Variants in GJA9 observed in about 807,000 individuals in gnomAD.
GJA9 encodes gap junction protein alpha 9, also known as gap junction alpha-9 protein.
Under a neutral mutation model 0.4 loss-of-function variants are expected in GJA9, and 1 was observed. The ratio of observed to expected loss-of-function variants is 2.50; its 90% CI spans 0.89 to 11.88. GJA9 has a LOEUF of 11.88. Among genes scored for constraint, GJA9 ranks in the 30% most tolerant of loss-of-function variants. GJA9 has a pLI of 0.12. For synonymous variants in GJA9, 190 were observed against 219.1 expected (o/e 0.87, Z 1.17); for missense variants, 550 against 602.8 (o/e 0.91, Z 0.92).
In GJA9 at chr1:38,874,588, A is replaced by G. The variant is rs1557598871; in HGVS notation, c.1511T>C (p.Leu504Pro). Residue 504 changes from leucine to proline, a missense_variant, in exon 2 of 2, where the codon CTC (leucine) becomes CCC (proline). Leu to Pro is a moderately conservative substitution (Grantham distance 98). Coordinates refer to ENST00000357771, the MANE Select transcript of GJA9 (RefSeq NM_030772.5). ...PNHVVSLTNN[L>P]IGRRVPTDLQ... ...ATCTGTGGGAACCCGCCTACCAATG[A>G]GATTGTTCGTTAGGGACACTACGTG... The G allele has an allele frequency of 6.2e-7, 1 of 1,614,114 alleles. No homozygotes were observed. The highest frequency in any genetic ancestry group is 1.1e-5 in the South Asian group (1 of 91,082).
chr1:38,879,841 C>T (rs1642659181), intron 1 of GJA9, among the ~76,000 whole-genome samples: 1 of 152,090 alleles, frequency 6.6e-6, no homozygotes, highest in Non-Finnish European at 1.5e-5. Context: ...ATTCTCCTGC[C>T]TCAGCCTCTC....
Position 38,875,557 on chromosome 1 carries a change from A to G in GJA9, c.542T>C (p.Phe181Ser), listed in dbSNP as rs186626186. The change falls in exon 2 of 2, where the codon TTT becomes TCT. Residue 181 changes from phenylalanine to serine, a missense_variant. Transcript: ENST00000357771. Reference sequence around the variant, plus strand: ...GCACTTAAATAGCGGCTCTAAGTGAAATCCATATAAAAGGTACTGTCCAAT... The same window carrying G: ...GCACTTAAATAGCGGCTCTAAGTGAGATCCATATAAAAGGTACTGTCCAAT... Reference protein sequence around the residue: ...FMIGQYLLYGFHLEPLFKCHG... With the variant: ...FMIGQYLLYGSHLEPLFKCHG... The G allele has an allele frequency of 2.0e-5, 32 of 1,614,240 alleles. No homozygotes were observed. The Admixed American group carries it at 4.3e-4, about 22-fold the overall frequency.
Position 38,875,000 on chromosome 1 carries a change from A to C in GJA9, c.1099T>G (p.Leu367Val), listed in dbSNP as rs775416916. 32 of 1,614,098 alleles carry C rather than the reference A, an allele frequency of 2.0e-5. No individual in the cohort carries two copies. The highest frequency in any genetic ancestry group is 2.5e-5 in the Non-Finnish European group (30 of 1,180,012). The change falls in exon 2 of 2, where the codon TTA (leucine) becomes GTA (valine). Residue 367 changes from leucine to valine, a missense_variant. Physicochemically the swap from Leu to Val is conservative, Grantham distance 32. Transcript: ENST00000357771. The part of the protein sequence containing the change: ...IFGKELNGNQ[L>V]MEKRETEGKD... ...CCTTCAGTTTCTCTTTTTTCCATTAACTGGTTACCATTAAGTTCTTTTCCA... is the reference window on the plus strand; with the variant it reads ...CCTTCAGTTTCTCTTTTTTCCATTACCTGGTTACCATTAAGTTCTTTTCCA...
rs756463977 is a variant in GJA9 at position 38,875,119 on chromosome 1, G to A, written c.980C>T (p.Thr327Ile). The part of the protein sequence containing the change: ...DEKCILDEQE[T>I]VLSNEISTLS... ...TGTGGAAATCTCATTAGAAAGTACA[G>A]TTTCCTGTTCATCCAAAATGCATTT... Residue 327 changes from threonine (T) to isoleucine (I), a missense_variant, in exon 2 of 2, where the codon ACT becomes ATT. Physicochemically the swap from Thr to Ile is moderately conservative, Grantham distance 89. Coordinates refer to ENST00000357771, the MANE Select transcript of GJA9 (RefSeq NM_030772.5). 3.7e-6 allele frequency: 6 copies of A among 1,614,140 alleles called. No individual in the cohort carries two copies. Among genetic ancestry groups the A allele is most frequent in the Non-Finnish European group, 1.7e-6 (2 of 1,180,018 alleles).
chr1:38,878,515 A>G (rs1213003924), intron 1 of GJA9, among the ~76,000 whole-genome samples: 1 of 150,824 alleles, frequency 6.6e-6, no homozygotes, highest in Non-Finnish European at 1.5e-5. Context: ...TGTCTCTACA[A>G]AAATACAAAA....
At chr1:38,880,356 T>A (rs1404813068) in intron 1 of GJA9, among the ~76,000 whole-genome samples, 2 of 139,304 alleles carry the variant, frequency 1.4e-5, no homozygotes, top group Non-Finnish European at 3.1e-5. Context: ...TGAGCCGAGA[T>A]CACACCATTG....
chr1:38,875,608 C>T lies in GJA9; in HGVS notation c.491G>A (p.Arg164His), dbSNP rs747249630. The change falls in exon 2 of 2, where the codon CGC (arginine) becomes CAC (histidine). Residue 164 changes from arginine to histidine, a missense_variant. Transcript: ENST00000357771. ...LCTYVIHIFT[R>H]SVVEVGFMIG... ...CATGAATCCAACTTCAACCACAGAG[C>T]GAGTGAAAATGTGTATCACATAAGT... 1.9e-6 allele frequency: 3 copies of T among 1,614,030 alleles called. No homozygotes were observed. Among genetic ancestry groups the T allele is most frequent in the Non-Finnish European group, 1.7e-6 (2 of 1,180,032 alleles).
At position 38,876,018 on chromosome 1, in the gene GJA9, G is replaced by A; in HGVS notation, c.81C>T (p.Thr27=). Residue 27 remains threonine, a synonymous_variant, in exon 2 of 2, where the codon ACC becomes ACT. Coordinates refer to ENST00000357771, the MANE Select transcript of GJA9 (RefSeq NM_030772.5). Reference sequence around the variant, plus strand: ...CAAGCATTCGAAATATGAACAGGATGGTGAGCCAGATCTTTCCAATCATGG... The same window carrying A: ...CAAGCATTCGAAATATGAACAGGATAGTGAGCCAGATCTTTCCAATCATGG... ...HSTMIGKIWL[T]ILFIFRMLVL... 6.2e-7 allele frequency: 1 copy of A among 1,614,194 alleles called. No individual in the cohort carries two copies. The highest frequency in any genetic ancestry group is 8.5e-7 in the Non-Finnish European group (1 of 1,180,042).
In GJA9 at chr1:38,874,488, TGCCCCA is replaced by T; in HGVS notation, c.*57_*62del. 1 of 1,294,288 alleles carries T rather than the reference TGCCCCA, an allele frequency of 7.7e-7. No individual in the cohort carries two copies. Among genetic ancestry groups the T allele is most frequent in the Admixed American group, 2.0e-5 (1 of 49,104 alleles). The allele number at this position is 1,294,288 out of a possible 1,614,324, so 80.2% of individuals were successfully genotyped here. A position where few individuals can be genotyped will look rare whatever the true frequency, so the allele number is the denominator to read the frequency against. ...GAGCTGCCCCTATCTATTTTTTCTG[TGCCCCA>T]CGACCACTAGGCTACTTCTCTGATA... On this transcript the variant is annotated 3_prime_UTR_variant, in exon 2 of 2. Coordinates refer to ENST00000357771, the MANE Select transcript of GJA9 (RefSeq NM_030772.5).
rs752926408 is a variant in GJA9, at chr1:38,875,722, G to C, written c.377C>G (p.Pro126Arg). ...VELEEVEFEM[P>R]RDRRRLEQEL... ...TTGCTCCAATCTCCTCCGATCCCTA[G>C]GCATTTCAAACTCTACCTCCTCCAG... The change falls in exon 2 of 2, where the codon CCT (proline) becomes CGT (arginine). Residue 126 changes from proline (P) to arginine (R), a missense_variant. Physicochemically the swap from Pro to Arg is moderately radical, Grantham distance 103 (BLOSUM62 -2). Coordinates refer to ENST00000357771, the MANE Select transcript of GJA9 (RefSeq NM_030772.5). 6.8e-6 allele frequency: 11 copies of C among 1,614,146 alleles called. 1 individual carries two copies. In the South Asian group the frequency reaches 1.2e-4, roughly 18 times the overall value.
chr1:38,878,929 C>T (rs940205321), intron 1 of GJA9, among the ~76,000 whole-genome samples: 1 of 151,892 alleles, frequency 6.6e-6, no homozygotes, highest in African/African-American at 2.4e-5. Context: ...GATGGGGTTC[C>T]TCCATATTGG....
rs771339619 is a variant in GJA9 at position 38,875,647 on chromosome 1, C to T, written c.452G>A (p.Gly151Glu). Residue 151 changes from glycine (G) to glutamate (E), a missense_variant, in exon 2 of 2, where the codon GGA becomes GAA. Coordinates refer to ENST00000357771, the MANE Select transcript of GJA9 (RefSeq NM_030772.5). Reference protein sequence around the residue: ...KRKLNKAPLRGTLLCTYVIHI... With the variant: ...KRKLNKAPLRETLLCTYVIHI... ...TATCACATAAGTGCAAAGCAAGGTTCCTCTGAGTGGAGCTTTATTTAGTTT... is the reference window on the plus strand; with the variant it reads ...TATCACATAAGTGCAAAGCAAGGTTTCTCTGAGTGGAGCTTTATTTAGTTT... The T allele has an allele frequency of 6.2e-7, 1 of 1,614,182 alleles. No homozygotes were observed. The highest frequency in any genetic ancestry group is 1.3e-5 in the African/African-American group (1 of 75,050).
At chr1:38,877,040 C>CTTT (rs774625707) in intron 1 of GJA9, among the ~76,000 whole-genome samples, 3 of 124,510 alleles carry the variant, frequency 2.4e-5, no homozygotes, top group Non-Finnish European at 3.4e-5. Context: ...AAATTATATT[C>CTTT]TTTTTTTTTT....
Position 38,875,325 on chromosome 1 carries a change from G to A in GJA9, c.774C>T (p.Asn258=). ...LKKEHNEFHA[N]KAKQNVAKYQ... ...ATTTGGCTACATTTTGTTTTGCCTTGTTTGCATGGAATTCATTATGTTCCT... is the reference window on the plus strand; with the variant it reads ...ATTTGGCTACATTTTGTTTTGCCTTATTTGCATGGAATTCATTATGTTCCT... The change falls in exon 2 of 2, where the codon AAC becomes AAT. Residue 258 remains asparagine (N), a synonymous_variant. Coordinates refer to ENST00000357771, the MANE Select transcript of GJA9 (RefSeq NM_030772.5). 1 of 1,614,096 alleles carries A rather than the reference G, an allele frequency of 6.2e-7. No individual in the cohort carries two copies. The highest frequency in any genetic ancestry group is 8.5e-7 in the Non-Finnish European group (1 of 1,180,012).
chr1:38,874,172 A>G lies in GJA9; in HGVS notation c.*379T>C. 2.8e-6 allele frequency: 1 copy of G among 353,288 alleles called. No homozygotes were observed. Among genetic ancestry groups the G allele is most frequent in the Admixed American group, 4.1e-5 (1 of 24,308 alleles). 21.9% of individuals were successfully genotyped at this position (353,288 alleles called of 1,614,324 possible). ...CTTACGTGATTGTGTTCCAGGGGCAAACAGAATTAACCCAGTGTCCAAGGT... is the reference window on the plus strand; with the variant it reads ...CTTACGTGATTGTGTTCCAGGGGCAGACAGAATTAACCCAGTGTCCAAGGT... On this transcript the variant is annotated 3_prime_UTR_variant, in exon 2 of 2. Coordinates refer to ENST00000357771, the MANE Select transcript of GJA9 (RefSeq NM_030772.5).
In GJA9 at chr1:38,874,687, G is replaced by T; in HGVS notation, c.1412C>A (p.Ala471Asp). ...DSQSLDIPNTADSLGGLSFEP... is the reference protein window; with the variant it reads ...DSQSLDIPNTDDSLGGLSFEP... The stretch of plus-strand genomic sequence containing the variant: ...AAAGGACAGCCCTCCCAAAGAATCA[G>T]CAGTGTTTGGAATGTCAAGTGATTG... Residue 471 changes from alanine to aspartate, a missense_variant, in exon 2 of 2, where the codon GCT becomes GAT. Physicochemically the swap from Ala to Asp is moderately radical, Grantham distance 126. Coordinates refer to ENST00000357771, the MANE Select transcript of GJA9 (RefSeq NM_030772.5). 6.2e-7 allele frequency: 1 copy of T among 1,614,164 alleles called. No individual in the cohort carries two copies. Among genetic ancestry groups the T allele is most frequent in the South Asian group, 1.1e-5 (1 of 91,082 alleles).
intron 1 of GJA9, among the ~76,000 whole-genome samples, chr1:38,879,261 C>T (rs927117946): frequency 2.6e-5 from 4 of 152,012 alleles, no homozygotes; most frequent in African/African-American, 4.8e-5. Flanking sequence ...AAATATACCC[C>T]AAAGGAAAGA....
intron 1 of GJA9, among the ~76,000 whole-genome samples, chr1:38,878,259 A>G (rs1162277944): frequency 6.6e-6 from 1 of 151,826 alleles, no homozygotes; most frequent in African/African-American, 2.4e-5. Flanking sequence ...TTGTATTGTT[A>G]GTAGAGACGG....
At position 38,875,955 on chromosome 1, in the gene GJA9, C is replaced by A. The variant is rs1642579814; in HGVS notation, c.144G>T (p.Glu48Asp). Residue 48 changes from glutamate to aspartate, a missense_variant, in exon 2 of 2, where the codon GAG (glutamate) becomes GAT (aspartate). Physicochemically the swap from Glu to Asp is conservative, Grantham distance 45. Transcript: ENST00000357771. ...CTGTATTGCAGATGAAGCCAGACTGCTCATCATTCCAGACATCTTCAGCTG... is the reference window on the plus strand; with the variant it reads ...CTGTATTGCAGATGAAGCCAGACTGATCATCATTCCAGACATCTTCAGCTG... ...GVAAEDVWND[E>D]QSGFICNTEQ... is the part of the protein sequence containing the mutation. The A allele has an allele frequency of 6.2e-7, 1 of 1,614,210 alleles. No homozygotes were observed. Among genetic ancestry groups the A allele is most frequent in the Non-Finnish European group, 8.5e-7 (1 of 1,180,032 alleles).
Sources: allele counts gnomAD v4.1 joint callset (sites outside exome capture counted in the v4.1 genomes callset), GRCh38; gene constraint gnomAD v4.1.1; transcripts MANE v1.5; gene names NCBI Gene and HGNC (gene_info 2026-07-23, HGNC 2026-07-21).